Variants in TDRD3 observed in about 807,000 individuals in gnomAD.
The protein encoded by TDRD3 is tudor domain-containing protein 3.
A neutral mutation model predicts 86.7 loss-of-function variants in TDRD3; 45 were observed. The observed-to-expected ratio is 0.52, with a 90% CI of 0.41 to 0.67. TDRD3 has a LOEUF of 0.67. Among genes scored for constraint, TDRD3 ranks in the 30% least tolerant of loss-of-function variants. The pLI is 0.00. For missense variants in TDRD3, 814 were observed against 889.0 expected (o/e 0.92, Z 1.07); for synonymous variants, 298 against 301.7 (o/e 0.99, Z 0.13).
chr13:60,520,166 A>C lies in TDRD3; in HGVS notation c.1142-8201A>C, dbSNP rs377145032. ...AATTTAATATGTGTTGTATCTATAA[A>C]GATTTTAATGAGAACAGGAAAACAA... On this transcript the variant is annotated intron_variant, in intron 10 of 13. Coordinates refer to ENST00000377881, the MANE Select transcript of TDRD3 (RefSeq NM_001146070.2). Among the ~76,000 whole-genome samples the C allele has an allele frequency of 1.3e-4, 20 of 152,320 alleles. No individual in the cohort carries two copies. In the East Asian group the frequency reaches 3.9e-3, roughly 29 times the overall value.
At position 60,567,903 on chromosome 13, in the gene TDRD3, T is replaced by G. The variant is rs113327829; in HGVS notation, c.*9+253T>G. On this transcript the variant is annotated intron_variant, in intron 13 of 13. Coordinates refer to ENST00000377881, the MANE Select transcript of TDRD3 (RefSeq NM_001146070.2). ...CATGCCCAGCTGATTTTTTTTTTTTTTTTTTGTATTTTTAGTAGCAATGGG... is the reference window on the plus strand; with the variant it reads ...CATGCCCAGCTGATTTTTTTTTTTTGTTTTTGTATTTTTAGTAGCAATGGG... Among the ~76,000 whole-genome samples the G allele has an allele frequency of 2.9e-4, 44 of 151,472 alleles. 1 individual carries two copies. Among genetic ancestry groups the G allele is most frequent in the African/African-American group, 1.1e-3 (44 of 41,292 alleles).
chr13:60,486,077 A>G, intron 7 of TDRD3, 129 bp downstream of exon 7: 1 of 918,850 alleles, frequency 1.1e-6, no homozygotes, highest in Non-Finnish European at 1.5e-6. Flanking sequence ...CTTCTTGCAT[A>G]TTCCATAACT....
At chr13:60,445,338 G>T (rs781142732) in intron 3 of TDRD3, among the ~76,000 whole-genome samples, 11 of 152,116 alleles carry the variant, frequency 7.2e-5, no homozygotes, top group Non-Finnish European at 1.2e-4. Context: ...GAGTACATCT[G>T]GTTACCTTCC....
chr13:60,494,681 A>G (rs1956677718), intron 8 of TDRD3, 106 bp downstream of exon 8: 1 of 972,418 alleles, frequency 1.0e-6, no homozygotes, highest in Non-Finnish European at 1.4e-6. Flanking sequence ...TTATGGATAG[A>G]TGTTATAACT....
At chr13:60,498,350 G>A (rs1361766273) in intron 8 of TDRD3, among the ~76,000 whole-genome samples, 2 of 152,194 alleles carry the variant, frequency 1.3e-5, no homozygotes, top group Non-Finnish European at 2.9e-5. Flanking sequence ...TGGATCCCAA[G>A]GTGGCAGGGG....
rs1281710561 is a variant in TDRD3, at chr13:60,573,529, A to G, written c.*10-87A>G. On this transcript the variant is annotated intron_variant, in intron 13 of 13. Transcript: ENST00000377881. ...ATACAAACACTTCACATTTACAGAT[A>G]AGTTTCAGCAGAAATGTATCTTGAC... is the stretch of plus-strand genomic sequence containing the variant. 7.6e-6 allele frequency: 6 copies of G among 788,046 alleles called. No homozygotes were observed. In the Admixed American group the frequency reaches 3.1e-4, roughly 41 times the overall value. 48.8% of individuals were successfully genotyped at this position (788,046 alleles called of 1,614,324 possible).
chr13:60,455,834 A>C (rs1955656336), intron 3 of TDRD3, among the ~76,000 whole-genome samples: 1 of 152,016 alleles, frequency 6.6e-6, no homozygotes, highest in Non-Finnish European at 1.5e-5. Flanking sequence ...TTAGAAGGCC[A>C]AGGTGGGTGG....
At position 60,438,498 on chromosome 13, in the gene TDRD3, T is replaced by A. The variant is rs557854246; in HGVS notation, c.42-1190T>A. Among the ~76,000 whole-genome samples the A allele has an allele frequency of 4.6e-5, 7 of 152,284 alleles. No homozygotes were observed. The East Asian group carries it at 1.2e-3, about 25-fold the overall frequency. ...TTAATAGTACCTCATTTTGTTAACATTCTTGGTTTGACTTAAATATATATT... is the reference window on the plus strand; with the variant it reads ...TTAATAGTACCTCATTTTGTTAACAATCTTGGTTTGACTTAAATATATATT... On this transcript the variant is annotated intron_variant, in intron 1 of 13. Coordinates refer to ENST00000377881, the MANE Select transcript of TDRD3 (RefSeq NM_001146070.2).
intron 12 of TDRD3, among the ~76,000 whole-genome samples, chr13:60,539,039 T>A (rs998031743): frequency 1.3e-5 from 2 of 152,178 alleles, no homozygotes. Flanking sequence ...AGAAAAATGA[T>A]TATTGTGTAG....
At chr13:60,523,737 CA>C (rs1014677136) in intron 10 of TDRD3, among the ~76,000 whole-genome samples, 2 of 151,864 alleles carry the variant, frequency 1.3e-5, no homozygotes, top group Non-Finnish European at 2.9e-5. Context: ...CCACCACGCC[CA>C]GCTAATTTTT....
chr13:60,570,597 C>T (rs1022582334), intron 13 of TDRD3, among the ~76,000 whole-genome samples: 2 of 152,156 alleles, frequency 1.3e-5, no homozygotes, highest in Admixed American at 1.3e-4. Context: ...TATTTTATTT[C>T]TTTTTAATTG....
At chr13:60,481,679 T>G (rs1956321404) in intron 5 of TDRD3, among the ~76,000 whole-genome samples, 1 of 152,186 alleles carries the variant, frequency 6.6e-6, no homozygotes, top group Admixed American at 6.5e-5. Context: ...AATAGCTGTT[T>G]AACGCCCTAT....
At chr13:60,526,805 G>A (rs962558478) in intron 10 of TDRD3, among the ~76,000 whole-genome samples, 4 of 151,826 alleles carry the variant, frequency 2.6e-5, no homozygotes, top group Non-Finnish European at 2.9e-5. Context: ...CCATTGGTTC[G>A]GTTGAGAATG....
At position 60,510,728 on chromosome 13, in the gene TDRD3, T is replaced by C; in HGVS notation, c.1114T>C (p.Ser372Pro). Residue 372 changes from serine (S) to proline (P), a missense_variant, in exon 10 of 14, where the codon TCT becomes CCT. Physicochemically the swap from Ser to Pro is moderately conservative, Grantham distance 74 (BLOSUM62 -1). Coordinates refer to ENST00000377881, the MANE Select transcript of TDRD3 (RefSeq NM_001146070.2). ...APSTLFDFLESKMGTLNVEEP... is the reference protein window; with the variant it reads ...APSTLFDFLEPKMGTLNVEEP... ...AAGCACATTATTTGATTTCTTGGAA[T>C]CTAAAATGGGAACTTTGAATGTGGA... 6.3e-7 allele frequency: 1 copy of C among 1,588,720 alleles called. No homozygotes were observed. Among genetic ancestry groups the C allele is most frequent in the Non-Finnish European group, 8.6e-7 (1 of 1,168,730 alleles).
intron 1 of TDRD3, among the ~76,000 whole-genome samples, chr13:60,402,744 C>G (rs940600884): frequency 8.0e-6 from 1 of 125,236 alleles, no homozygotes; most frequent in Admixed American, 1.0e-4. Context: ...GTTGCCCAGG[C>G]TAGAGTGCAA....
upstream of TDRD3, among the ~76,000 whole-genome samples, chr13:60,395,535 A>G (rs949119666): frequency 6.6e-6 from 1 of 152,188 alleles, no homozygotes; most frequent in African/African-American, 2.4e-5. Context: ...TGTTTTGTGG[A>G]GTACTTTATT....
intron 1 of TDRD3, among the ~76,000 whole-genome samples, chr13:60,415,122 AT>A (rs1954468490): frequency 6.6e-6 from 1 of 151,966 alleles, no homozygotes; most frequent in Non-Finnish European, 1.5e-5. Flanking sequence ...TGAAAAAAAA[AT>A]TCATGTGTTG....
intron 5 of TDRD3, among the ~76,000 whole-genome samples, chr13:60,469,407 A>G (rs1346263034): frequency 1.3e-5 from 2 of 151,622 alleles, no homozygotes; most frequent in Non-Finnish European, 2.9e-5. Context: ...CATTCCTAGT[A>G]ACCTTCTCAC....
At chr13:60,504,282 G>T (rs1021709507) in intron 8 of TDRD3, among the ~76,000 whole-genome samples, 2 of 152,046 alleles carry the variant, frequency 1.3e-5, no homozygotes, top group Admixed American at 1.3e-4. Flanking sequence ...AATACATGTT[G>T]CAATGTAAAC....
Sources: allele counts gnomAD v4.1 joint callset (sites outside exome capture counted in the v4.1 genomes callset), GRCh38; gene constraint gnomAD v4.1.1; transcripts MANE v1.5; gene names NCBI Gene and HGNC (gene_info 2026-07-23, HGNC 2026-07-21).